TIAM2: variants seen among roughly 807,000 people sequenced by gnomAD.
The protein encoded by TIAM2 is TIAM Rac1 associated GEF 2.
Under a neutral mutation model 152.9 loss-of-function variants are expected in TIAM2, and 80 were observed. That is an observed-to-expected ratio of 0.52 (90% CI 0.44 to 0.63). TIAM2 has a LOEUF of 0.63. Among genes scored for constraint, TIAM2 ranks in the 30% least tolerant of loss-of-function variants. The probability of loss-of-function intolerance (pLI) is 0.00; values close to 1 mark genes in which losing one functional copy is unlikely to be tolerated. For synonymous variants in TIAM2, 804 were observed against 838.0 expected, an observed-to-expected ratio of 0.96 and a Z score of 0.70; for missense variants, 1,965 against 2,120.1, an observed-to-expected ratio of 0.93 and a Z score of 1.44.
intron 12 of TIAM2, among the ~76,000 whole-genome samples, chr6:155,181,920 G>A (rs1000783420): frequency 6.6e-6 from 1 of 152,096 alleles, no homozygotes; most frequent in Non-Finnish European, 1.5e-5. Context: ...TTATCCATCC[G>A]TCTATTGACA....
At chr6:155,013,617 A>G (rs1190501201) in intron 1 of TIAM2, 15 of 152,036 alleles carry the variant, frequency 9.9e-5, no homozygotes, top group Admixed American at 9.8e-4. Flanking sequence ...AACTCTTTCT[A>G]GGGAGGGGGA....
At chr6:155,081,977 C>T (rs965737767) in intron 1 of TIAM2, among the ~76,000 whole-genome samples, 4 of 152,162 alleles carry the variant, frequency 2.6e-5, no homozygotes, top group Admixed American at 2.6e-4. Context: ...TCACCTCTTT[C>T]ATCCCTATCC....
Position 155,257,203 on chromosome 6 carries a change from A to C in TIAM2, c.*82A>C, listed in dbSNP as rs1214416340. ...AAGTGGAAATTGCAAAAAAAAAAAA[A>C]AAAAAAAACTGTTCATTCCTGGGTT... On this transcript the variant is annotated 3_prime_UTR_variant, in exon 27 of 27. Coordinates refer to ENST00000682666, the MANE Select transcript of TIAM2 (RefSeq NM_012454.4). 61 of 1,422,968 alleles carry C rather than the reference A, an allele frequency of 4.3e-5. 1 individual carries two copies. Among genetic ancestry groups the C allele is most frequent in the Non-Finnish European group, 5.3e-5 (56 of 1,047,896 alleles). 88.1% of individuals were successfully genotyped at this position (1,422,968 alleles called of 1,614,324 possible).
Position 155,182,286 on chromosome 6 carries a change from A to C in TIAM2, c.2768A>C (p.Asp923Ala), listed in dbSNP as rs1390665580. ...RQHLSRIFISDVLPDGLAYGE... is the reference protein window; with the variant it reads ...RQHLSRIFISAVLPDGLAYGE... ...CATCTCAGCCGGATATTTATAAGCG[A>C]CGTTCTTCCCGATGGCCTGGCGTAT... Residue 923 changes from aspartate to alanine, a missense_variant, in exon 13 of 27, where the codon GAC becomes GCC. Physicochemically the swap from Asp to Ala is moderately radical, Grantham distance 126. Around this residue, in one of 3 missense-constraint regions of TIAM2, gnomAD observed 935 missense variants for 980.0 expected, o/e 0.95. Coordinates refer to ENST00000682666, the MANE Select transcript of TIAM2 (RefSeq NM_012454.4). 1 of 1,614,088 alleles carries C rather than the reference A, an allele frequency of 6.2e-7. No individual in the cohort carries two copies. Among genetic ancestry groups the C allele is most frequent in the Non-Finnish European group, 8.5e-7 (1 of 1,179,984 alleles).
At chr6:155,150,794 G>A (rs1176009054) in intron 7 of TIAM2, among the ~76,000 whole-genome samples, 3 of 152,184 alleles carry the variant, frequency 2.0e-5, no homozygotes, top group South Asian at 2.1e-4. Flanking sequence ...CATGAGGAGC[G>A]AGGGATCTTT....
At chr6:155,057,017 CTTT>C (rs71023612) in intron 1 of TIAM2, among the ~76,000 whole-genome samples, 1,424 of 43,592 alleles carry the variant, frequency 0.033, 6 homozygotes, top group African/African-American at 0.11. Context: ...AGTTTTCTTT[CTTT>C]TTTTTTTTTT....
At chr6:154,998,613 T>C (rs1345908391) in intron 1 of TIAM2, among the ~76,000 whole-genome samples, 2 of 152,234 alleles carry the variant, frequency 1.3e-5, no homozygotes, top group Non-Finnish European at 2.9e-5. Context: ...ATTTATAAGA[T>C]TGTGATATAA....
intron 1 of TIAM2, among the ~76,000 whole-genome samples, chr6:155,036,767 AC>A (rs1776931988): frequency 6.6e-6 from 1 of 151,536 alleles, no homozygotes; most frequent in Non-Finnish European, 1.5e-5. Flanking sequence ...ACAGGCATAC[AC>A]CACCACGCCC....
rs141690970 is a variant in TIAM2 at position 155,150,277 on chromosome 6, G to C, written c.2028+1943G>C. 3.5e-4 allele frequency among the ~76,000 whole-genome samples: 54 copies of C among 152,324 alleles called. 1 individual carries two copies. The highest frequency in any genetic ancestry group is 1.3e-3 in the African/African-American group (54 of 41,568). ...TAAGAAATTATAATTTAGTTAGAGA[G>C]CAAGCCTTATGAACATGAAACTAAA... On this transcript the variant is annotated intron_variant, in intron 7 of 26. Transcript: ENST00000682666.
intron 2 of TIAM2, among the ~76,000 whole-genome samples, chr6:155,091,305 G>A (rs1046720761): frequency 3.9e-5 from 6 of 152,190 alleles, no homozygotes; most frequent in Admixed American, 6.5e-5. Flanking sequence ...GTCTGTCTCC[G>A]CCTTCCTTAG....
chr6:155,065,305 T>G (rs1257673774), intron 1 of TIAM2, among the ~76,000 whole-genome samples: 1 of 152,190 alleles, frequency 6.6e-6, no homozygotes, highest in Non-Finnish European at 1.5e-5. Context: ...ATTTAAGTAA[T>G]GCAAATTTAA....
chr6:155,027,109 C>T (rs112568711), intron 1 of TIAM2, among the ~76,000 whole-genome samples: 2,375 of 151,822 alleles, frequency 0.016, 30 homozygotes, highest in African/African-American at 0.039. Context: ...GATCTTGGCT[C>T]ACTACAACCT....
At chr6:155,245,576 C>A in intron 18 of TIAM2, 47 bp from the exon 19 acceptor site, 1 of 1,465,274 alleles carries the variant, frequency 6.8e-7, no homozygotes, top group Non-Finnish European at 9.6e-7. Context: ...AGCCAGCACG[C>A]ATTGATTAAA....
At chr6:155,149,838 G>T (rs971920457) in intron 7 of TIAM2, among the ~76,000 whole-genome samples, 1 of 151,688 alleles carries the variant, frequency 6.6e-6, no homozygotes, top group African/African-American at 2.4e-5. Flanking sequence ...CAGGAGAATC[G>T]CTTGAACCTG....
intron 1 of TIAM2, among the ~76,000 whole-genome samples, chr6:155,086,932 C>T (rs959961125): frequency 6.6e-6 from 1 of 152,114 alleles, no homozygotes; most frequent in African/African-American, 2.4e-5. Flanking sequence ...AAGTACTTCA[C>T]TTTCAAAGCA....
chr6:155,147,991 A>G (rs1372896377), intron 6 of TIAM2, 119 bp from the exon 7 acceptor site: 3 of 933,042 alleles, frequency 3.2e-6, no homozygotes, highest in Non-Finnish European at 5.1e-6. Flanking sequence ...GAAATTAAGC[A>G]GCTTGTATGC....
intron 10 of TIAM2, among the ~76,000 whole-genome samples, chr6:155,178,114 T>C (rs1417529980): frequency 7.0e-6 from 1 of 143,270 alleles, no homozygotes; most frequent in East Asian, 2.0e-4. Flanking sequence ...TAAGCCGAGA[T>C]GGCTCCACTG....
intron 16 of TIAM2, among the ~76,000 whole-genome samples, chr6:155,242,671 A>G (rs1350730146): frequency 6.6e-6 from 1 of 152,230 alleles, no homozygotes; most frequent in Non-Finnish European, 1.5e-5. Context: ...AGGACTCAAA[A>G]TTCTTCAGAA....
intron 25 of TIAM2, 143 bp from the exon 26 acceptor site, chr6:155,254,276 G>A (rs1481175769): frequency 8.9e-7 from 1 of 1,119,762 alleles, no homozygotes; most frequent in African/African-American, 1.6e-5. Context: ...CTTCTGTACG[G>A]GAGGCCACAT....
Sources: gnomAD v4.1 joint callset for allele counts (sites outside exome capture counted in the v4.1 genomes callset) on GRCh38, gnomAD v4.1.1 for gene constraint, gnomAD v4.1.1 regional missense constraint, MANE v1.5 for transcripts, NCBI Gene and HGNC (gene_info 2026-07-23, HGNC 2026-07-21) for gene names.